Variants in SAMD5 observed in about 807,000 individuals in gnomAD.
The protein encoded by SAMD5 is sterile alpha motif domain-containing protein 5.
A neutral mutation model predicts 11.3 loss-of-function variants in SAMD5; 13 were observed. The ratio of observed to expected loss-of-function variants is 1.15; its 90% CI spans 0.75 to 1.83. The LOEUF (loss-of-function observed/expected upper bound fraction) is 1.83, where lower values mean the gene tolerates loss of function less well. Among genes scored for constraint, SAMD5 ranks in the 40% most tolerant of loss-of-function variants. SAMD5 has a pLI of 0.00. For synonymous variants in SAMD5, 129 were observed against 111.3 expected (o/e 1.16, Z -1.00); for missense variants, 255 against 239.1 (o/e 1.07, Z -0.44).
chr6:147,639,678 T>A (rs1265631403), intron 1 of SAMD5, among the ~76,000 whole-genome samples: 1 of 152,204 alleles, frequency 6.6e-6, no homozygotes, highest in South Asian at 2.1e-4. Flanking sequence ...GCCTTTCTGA[T>A]TAGGAAGCAT....
intron 1 of SAMD5, among the ~76,000 whole-genome samples, chr6:147,526,694 G>T (rs1272598621): frequency 6.6e-6 from 1 of 152,238 alleles, no homozygotes; most frequent in East Asian, 1.9e-4. Flanking sequence ...TGTATATTCA[G>T]CAGCTTGCTA....
the SAMD5 span, among the ~76,000 whole-genome samples, chr6:147,795,151 G>C: frequency 2.0e-5 from 3 of 147,478 alleles, no homozygotes; most frequent in Middle Eastern, 3.5e-3. Context: ...TGCCATGCTG[G>C]TGTGCTGCAC....
the SAMD5 span, among the ~76,000 whole-genome samples, chr6:147,779,977 G>A: frequency 0.18 from 27,836 of 151,950 alleles, 3,296 homozygotes; most frequent in African/African-American, 0.34. Context: ...TTCTTATAAT[G>A]TTTCATTTTC....
the SAMD5 span, among the ~76,000 whole-genome samples, chr6:147,857,385 T>A: frequency 1.3e-5 from 2 of 151,358 alleles, no homozygotes; most frequent in South Asian, 4.2e-4. Context: ...CATGTGTATG[T>A]AGTCCTAGCT....
chr6:147,644,355 T>C (rs1247805087), intron 1 of SAMD5, among the ~76,000 whole-genome samples: 1 of 152,180 alleles, frequency 6.6e-6, no homozygotes, highest in Non-Finnish European at 1.5e-5. Flanking sequence ...GCATTAGAGA[T>C]AAATGGACAA....
chr6:147,604,196 A>G (rs1424363217), intron 1 of SAMD5, among the ~76,000 whole-genome samples: 1 of 137,306 alleles, frequency 7.3e-6, no homozygotes, highest in Non-Finnish European at 1.5e-5. Context: ...TACTTTTTAC[A>G]TCAATGTACT....
chr6:147,610,871 A>ATT (rs35348058), intron 1 of SAMD5, among the ~76,000 whole-genome samples: 3,290 of 142,522 alleles, frequency 0.023, 59 homozygotes, highest in Non-Finnish European at 0.027. Flanking sequence ...AAAAGCCAGA[A>ATT]TTTTTTTTTT....
intron 1 of SAMD5, among the ~76,000 whole-genome samples, chr6:147,553,245 C>T (rs702333): frequency 6.6e-6 from 1 of 151,870 alleles, no homozygotes; most frequent in Non-Finnish European, 1.5e-5. Context: ...GGTAATATGC[C>T]CAAGGCCATC....
the SAMD5 span, among the ~76,000 whole-genome samples, chr6:147,752,730 T>G: frequency 6.6e-6 from 1 of 152,028 alleles, no homozygotes; most frequent in Admixed American, 6.6e-5. Context: ...CCATAGAGGG[T>G]CCTCTCATGG....
At chr6:147,557,564 G>T (rs1006868728) in intron 1 of SAMD5, among the ~76,000 whole-genome samples, 12 of 152,130 alleles carry the variant, frequency 7.9e-5, no homozygotes, top group African/African-American at 2.9e-4. Context: ...CCTCTTGTTG[G>T]TATGTCCCTG....
At chr6:147,593,515 C>T (rs963279081) in intron 1 of SAMD5, among the ~76,000 whole-genome samples, 5 of 152,048 alleles carry the variant, frequency 3.3e-5, no homozygotes, top group Non-Finnish European at 7.3e-5. Context: ...TTCTTTATAG[C>T]GAATGTGTTG....
the SAMD5 span, among the ~76,000 whole-genome samples, chr6:147,748,205 TGGGGGAAAAGATGTCCCTTACTCAAGGAG>T: frequency 6.6e-6 from 1 of 152,192 alleles, no homozygotes; most frequent in East Asian, 1.9e-4. Context: ...CACCATGTAA[TGGGGGAAAAGATGTCCCTTACTCAAGGAG>T]ACCAGTCTCT....
the SAMD5 span, among the ~76,000 whole-genome samples, chr6:147,870,076 C>T: frequency 6.6e-6 from 1 of 152,040 alleles, no homozygotes; most frequent in South Asian, 2.1e-4. Flanking sequence ...TCAGCAAAAT[C>T]TCATGTATAT....
intron 1 of SAMD5, among the ~76,000 whole-genome samples, chr6:147,616,858 A>G (rs370121755): frequency 3.3e-5 from 5 of 152,320 alleles, no homozygotes; most frequent in African/African-American, 1.2e-4. Context: ...CTCTCTGACT[A>G]TCACTAGAAG....
chr6:147,909,613 TTTC>T, the SAMD5 span, among the ~76,000 whole-genome samples: 3 of 69,070 alleles, frequency 4.3e-5, 1 homozygote, highest in African/African-American at 2.7e-4. Context: ...TCTTTCTTTC[TTTC>T]TTTCTTTCTT....
chr6:147,636,857 T>A (rs866956177), intron 1 of SAMD5, among the ~76,000 whole-genome samples: 1 of 152,344 alleles, frequency 6.6e-6, no homozygotes. Context: ...TATTGTATTA[T>A]GGTCCACAGA....
chr6:147,662,954 A>C (rs529286851), intron 1 of SAMD5, among the ~76,000 whole-genome samples: 1 of 152,328 alleles, frequency 6.6e-6, no homozygotes, highest in Admixed American at 6.5e-5. Flanking sequence ...GTTTTTAATT[A>C]TTAATATTTC....
chr6:147,859,277 C>T, the SAMD5 span, among the ~76,000 whole-genome samples: 13 of 152,244 alleles, frequency 8.5e-5, no homozygotes, highest in Admixed American at 7.8e-4. Context: ...CTGGTTAGGG[C>T]TGAATTTTCT....
At chr6:147,727,768 C>T (rs1791649477) in intron 1 of SAMD5, among the ~76,000 whole-genome samples, 1 of 151,824 alleles carries the variant, frequency 6.6e-6, no homozygotes, top group African/African-American at 2.4e-5. Flanking sequence ...TGGCGGGAGT[C>T]ATGTATGTTG....
Sources: gnomAD v4.1 joint callset for allele counts (sites outside exome capture counted in the v4.1 genomes callset) on GRCh38, gnomAD v4.1.1 for gene constraint, MANE v1.5 for transcripts, NCBI Gene and HGNC (gene_info 2026-07-23, HGNC 2026-07-21) for gene names.